Variants in FBXO17 observed in about 807,000 individuals in gnomAD.
FBXO17 encodes the protein F-box only protein 17.
FBXO17 carries 43 observed loss-of-function variants against 34.1 expected under a neutral mutation model. The ratio of observed to expected loss-of-function variants is 1.26; its 90% CI spans 0.99 to 1.62. The LOEUF is 1.62. Ranked by LOEUF, FBXO17 falls within the 40% of genes most tolerant of loss-of-function variation. The pLI, the probability that FBXO17 is intolerant of heterozygous loss-of-function variation, is 0.00. For synonymous variants in FBXO17, 169 were observed against 166.0 expected (o/e 1.02, Z -0.14); for missense variants, 424 against 386.7 (o/e 1.10, Z -0.81).
intron 4 of FBXO17, 189 bp from the exon 5 acceptor site, chr19:38,945,293 C>G (rs11672849): frequency 0.94 from 679,920 of 720,006 alleles, 321,406 homozygotes; most frequent in East Asian, 1. Flanking sequence ...CAGAGCCTGG[C>G]GGAGGAGCCT....
intron 1 of FBXO17, among the ~76,000 whole-genome samples, chr19:38,950,855 G>A (rs905292819): frequency 3.3e-5 from 5 of 151,998 alleles, no homozygotes; most frequent in African/African-American, 1.2e-4. Flanking sequence ...GCAGTGGCAC[G>A]ATCTTGGCAC....
chr19:38,945,317 G>A, intron 4 of FBXO17: 1 of 616,912 alleles, frequency 1.6e-6, no homozygotes, highest in Non-Finnish European at 2.8e-6. Flanking sequence ...TGGTCCTGGG[G>A]AGGAGCCAGA....
chr19:38,952,547 C>T (rs1185241949), intron 1 of FBXO17: 2 of 534,546 alleles, frequency 3.7e-6, no homozygotes, highest in Admixed American at 1.9e-5. Context: ...CTCCCCAAAA[C>T]CCCCAGCGAT....
intron 1 of FBXO17, among the ~76,000 whole-genome samples, chr19:38,963,890 TCTC>T (rs1363211917): frequency 6.6e-6 from 1 of 150,468 alleles, no homozygotes; most frequent in Non-Finnish European, 1.5e-5. Flanking sequence ...TTCAAGCAGT[TCTC>T]CTGCCTCAGC....
chr19:38,946,376 T>C (rs1477305987), intron 4 of FBXO17, 96 bp downstream of exon 4: 2 of 1,570,580 alleles, frequency 1.3e-6, no homozygotes, highest in Non-Finnish European at 1.7e-6. Flanking sequence ...TGACAGCCGC[T>C]ACCCGTGGGG....
At position 38,948,682 on chromosome 19, in the gene FBXO17, T is replaced by G; in HGVS notation, c.350-4A>C. On this transcript the variant is annotated splice_polypyrimidine_tract_variant and splice_region_variant and intron_variant, in intron 2 of 5. Transcript: ENST00000292852. ...ACCTCCCAGCCTCTGAAGCCCTCTGTGGGAAAACAAGAGTTGAACATATGG... is the reference window on the plus strand; with the variant it reads ...ACCTCCCAGCCTCTGAAGCCCTCTGGGGGAAAACAAGAGTTGAACATATGG... 1 of 1,613,438 alleles carries G rather than the reference T, an allele frequency of 6.2e-7. No homozygotes were observed. Among genetic ancestry groups the G allele is most frequent in the Non-Finnish European group, 8.5e-7 (1 of 1,179,704 alleles).
intron 1 of FBXO17, among the ~76,000 whole-genome samples, chr19:38,974,081 T>C (rs951775324): frequency 1.3e-5 from 2 of 148,580 alleles, no homozygotes; most frequent in African/African-American, 4.9e-5. Flanking sequence ...TATGTACATA[T>C]ATAGTTTTTT....
chr19:38,965,754 A>C (rs987718197), intron 1 of FBXO17, among the ~76,000 whole-genome samples: 4 of 151,902 alleles, frequency 2.6e-5, no homozygotes. Context: ...TGATCCACCC[A>C]CCTCAGCCTC....
chr19:38,950,682 A>AT (rs1174432037), intron 1 of FBXO17, among the ~76,000 whole-genome samples: 2 of 152,372 alleles, frequency 1.3e-5, no homozygotes, highest in Middle Eastern at 3.4e-3. Context: ...ATTCCTGCAC[A>AT]TGGCTAGGTT....
rs1313248955 is a variant in FBXO17, at chr19:38,950,166, T to C, written c.154A>G (p.Ile52Val). 4 of 1,560,868 alleles carry C rather than the reference T, an allele frequency of 2.6e-6. No individual in the cohort carries two copies. The East Asian group carries it at 9.6e-5, about 37-fold the overall frequency. Residue 52 changes from isoleucine to valine, a missense_variant, in exon 2 of 6, where the codon ATA becomes GTA. Ile to Val is a conservative substitution (Grantham distance 29). Coordinates refer to ENST00000292852, the MANE Select transcript of FBXO17 (RefSeq NM_024907.7). ...CRPVCRAWRD[I>V]VDGPTVWLLQ... is the part of the protein sequence containing the mutation. The stretch of plus-strand genomic sequence containing the variant: ...AGCCACACAGTGGGCCCGTCCACTA[T>C]GTCGCGCCAGGCGCGGCACACTGGG...
Position 38,949,993 on chromosome 19 carries a change from G to C in FBXO17, c.327C>G (p.Leu109=). 1 of 1,549,908 alleles carries C rather than the reference G, an allele frequency of 6.5e-7. No homozygotes were observed. Among genetic ancestry groups the C allele is most frequent in the Admixed American group, 2.0e-5 (1 of 51,246 alleles). Reference sequence around the variant, plus strand: ...CACGCTCTCCGCAGGAGTTGAAGATGAGATTGCGGCCGAAGGGCGCGCGCA... The same window carrying C: ...CACGCTCTCCGCAGGAGTTGAAGATCAGATTGCGGCCGAAGGGCGCGCGCA... ...YCLRAPFGRN[L]IFNSCGEQGF... Residue 109 remains leucine, a synonymous_variant, in exon 2 of 6, where the codon CTC becomes CTG. Transcript: ENST00000292852.
At position 38,942,642 on chromosome 19, in the gene FBXO17, T is replaced by C; in HGVS notation, c.803A>G (p.His268Arg). Residue 268 changes from histidine (H) to arginine (R), a missense_variant, in exon 6 of 6, where the codon CAC becomes CGC. By Grantham distance (29) the His-to-Arg change is conservative. Coordinates refer to ENST00000292852, the MANE Select transcript of FBXO17 (RefSeq NM_024907.7). ...ACGGATCCTGACCCTCACACTGGAG[T>C]GGGTCACAAGGGCGCCATAGTGCCC... ...WVGHYGALVT[H>R]SSVRVRIRLS 6.3e-7 allele frequency: 1 copy of C among 1,591,630 alleles called. No homozygotes were observed. The highest frequency in any genetic ancestry group is 8.5e-7 in the Non-Finnish European group (1 of 1,171,636).
In FBXO17 at chr19:38,949,971, G is replaced by A; in HGVS notation, c.349C>T (p.Gln117Ter). 1 of 1,510,484 alleles carries A rather than the reference G, an allele frequency of 6.6e-7. No homozygotes were observed. The highest frequency in any genetic ancestry group is 1.2e-5 in the South Asian group (1 of 80,174). The allele number at this position is 1,510,484 out of a possible 1,614,324, so 93.6% of individuals were successfully genotyped here. The change falls in exon 2 of 6, where the codon CAG (glutamine) becomes TAG (stop). Residue 117 changes from glutamine (Q) to a stop codon, truncating the protein, a stop_gained and splice_region_variant. Transcript: ENST00000292852. LOFTEE classifies it high-confidence loss of function. The stretch of plus-strand genomic sequence containing the variant: ...CCTGGGCCCCGCCCCCGTCACCCAC[G>A]CTCTCCGCAGGAGTTGAAGATGAGA... ...RNLIFNSCGE[Q>*]GFRGWEVEHG... is the part of the protein sequence containing the mutation.
chr19:38,964,020 G>A (rs1975288970), intron 1 of FBXO17, among the ~76,000 whole-genome samples: 1 of 152,122 alleles, frequency 6.6e-6, no homozygotes, highest in Non-Finnish European at 1.5e-5. Flanking sequence ...CTGACCTCAA[G>A]TGATCTGCCT....
intron 1 of FBXO17, among the ~76,000 whole-genome samples, chr19:38,971,339 T>C: frequency 6.6e-6 from 1 of 151,954 alleles, no homozygotes; most frequent in East Asian, 1.9e-4. Flanking sequence ...TATGCTGCCA[T>C]CAGAGACTAG....
chr19:38,943,393 C>A lies in FBXO17; in HGVS notation c.694-642G>T, dbSNP rs1390053774. Among the ~76,000 whole-genome samples, 5 of 150,834 alleles carry A rather than the reference C, an allele frequency of 3.3e-5. No homozygotes were observed. In the East Asian group the frequency reaches 9.8e-4, roughly 30 times the overall value. On this transcript the variant is annotated intron_variant, in intron 5 of 5. Coordinates refer to ENST00000292852, the MANE Select transcript of FBXO17 (RefSeq NM_024907.7). Reference sequence around the variant, plus strand: ...GGTTCAAGCGATTCTCCTGTCTCAGCCTCCCGAGTAGCTGGGATTACAGGC... The same window carrying A: ...GGTTCAAGCGATTCTCCTGTCTCAGACTCCCGAGTAGCTGGGATTACAGGC...
chr19:38,957,471 G>A (rs936858154), intron 1 of FBXO17, among the ~76,000 whole-genome samples: 5 of 151,986 alleles, frequency 3.3e-5, no homozygotes, highest in Admixed American at 6.6e-5. Flanking sequence ...TCAGCCTCCC[G>A]GGTAGCTGGG....
chr19:38,957,388 C>T (rs1189954267), intron 1 of FBXO17, among the ~76,000 whole-genome samples: 1 of 151,998 alleles, frequency 6.6e-6, no homozygotes, highest in Non-Finnish European at 1.5e-5. Context: ...ACTCTGTCGC[C>T]CAGGCTGGAG....
chr19:38,968,180 A>C (rs1466388068), intron 1 of FBXO17, among the ~76,000 whole-genome samples: 1 of 152,004 alleles, frequency 6.6e-6, no homozygotes, highest in African/African-American at 2.4e-5. Context: ...CTAGCCGGGT[A>C]TGGTGGTAGG....
Sources: allele counts gnomAD v4.1 joint callset (sites outside exome capture counted in the v4.1 genomes callset), GRCh38; gene constraint gnomAD v4.1.1; transcripts MANE v1.5; gene names NCBI Gene and HGNC (gene_info 2026-07-23, HGNC 2026-07-21).